PLXNA4: variants seen among roughly 807,000 people sequenced by gnomAD.
PLXNA4 encodes plexin A4, also known as plexin-A4.
A neutral mutation model predicts 191.8 loss-of-function variants in PLXNA4; 44 were observed. The ratio of observed to expected loss-of-function variants is 0.23; its 90% CI spans 0.18 to 0.29. The LOEUF is 0.29. PLXNA4 is among the 10% of genes least tolerant of loss of function. The pLI, the probability that PLXNA4 is intolerant of heterozygous loss-of-function variation, is 1.00. For missense variants in PLXNA4, 1,800 were observed against 2,488.8 expected (o/e 0.72, Z 5.89); for synonymous variants, 1,082 against 1,009.5 (o/e 1.07, Z -1.36).
At position 132,507,719 on chromosome 7, in the gene PLXNA4, G is replaced by A. The variant is rs1798529658; in HGVS notation, c.975C>T (p.Thr325=). The A allele has an allele frequency of 6.2e-7, 1 of 1,614,074 alleles. No individual in the cohort carries two copies. The highest frequency in any genetic ancestry group is 1.1e-5 in the South Asian group (1 of 91,088). ...LSKAGAVLGR[T]LGVHPDDDLL... ...GGTCATCATCTGGATGGACTCCAAG[G>A]GTCCTGCCAAGCACGGCCCCCGCTT... The change falls in exon 2 of 32, where the codon ACC becomes ACT. Residue 325 remains threonine (T), a synonymous_variant. Transcript: ENST00000321063.
At chr7:132,371,449 T>C (rs1013510517) in intron 3 of PLXNA4, among the ~76,000 whole-genome samples, 1 of 152,130 alleles carries the variant, frequency 6.6e-6, no homozygotes, top group African/African-American at 2.4e-5. Context: ...CTTGTGAGAG[T>C]TTCCTGCCAA....
chr7:132,552,021 T>G (rs540586685), intron 1 of PLXNA4, among the ~76,000 whole-genome samples: 2 of 152,232 alleles, frequency 1.3e-5, no homozygotes, highest in Non-Finnish European at 2.9e-5. Flanking sequence ...AAAAGAATCT[T>G]ATTAGCAGGT....
intron 2 of PLXNA4, among the ~76,000 whole-genome samples, chr7:132,613,689 A>G (rs1803097824): frequency 6.6e-6 from 1 of 152,226 alleles, no homozygotes; most frequent in African/African-American, 2.4e-5. Flanking sequence ...CACAGACTTA[A>G]TATTTCCAAG....
intron 25 of PLXNA4, among the ~76,000 whole-genome samples, chr7:132,156,450 A>G (rs1361192387): frequency 1.3e-5 from 2 of 152,162 alleles, no homozygotes; most frequent in African/African-American, 4.8e-5. Context: ...TACTTGGGAC[A>G]ATGACGGGGT....
chr7:132,202,796 C>T lies in PLXNA4; in HGVS notation c.2436G>A (p.Gly812=). The T allele has an allele frequency of 6.2e-7, 1 of 1,608,406 alleles. No individual in the cohort carries two copies. The highest frequency in any genetic ancestry group is 8.5e-7 in the Non-Finnish European group (1 of 1,177,310). Reference sequence around the variant, plus strand: ...AGTCTGGGTCAGCCTTGAGGCACAGCCCGCAGCTCTCACGCATGGCTCCAC... The same window carrying T: ...AGTCTGGGTCAGCCTTGAGGCACAGTCCGCAGCTCTCACGCATGGCTCCAC... ...YKCGAMRESC[G]LCLKADPDFA... Residue 812 remains glycine (G), a synonymous_variant, in exon 12 of 32, where the codon GGG becomes GGA. Coordinates refer to ENST00000321063, the MANE Select transcript of PLXNA4 (RefSeq NM_020911.2).
intron 2 of PLXNA4, among the ~76,000 whole-genome samples, chr7:132,491,370 C>T (rs1205546681): frequency 6.6e-6 from 1 of 152,204 alleles, no homozygotes; most frequent in Non-Finnish European, 1.5e-5. Context: ...CCAGCAGGCT[C>T]CTCCACTCCC....
chr7:132,125,512 A>G lies in PLXNA4; in HGVS notation c.*4967T>C, dbSNP rs1288468490. ...ACTAACCGAGTAATTTGGACTTAAC[A>G]TCCATAGCAGGGCTCCCTTCTTACT... On this transcript the variant is annotated 3_prime_UTR_variant, in exon 32 of 32. Transcript: ENST00000321063. The G allele has an allele frequency of 6.6e-6, 1 of 152,178 alleles. No individual in the cohort carries two copies. Among genetic ancestry groups the G allele is most frequent in the African/African-American group, 2.4e-5 (1 of 41,428 alleles). The allele number at this position is 152,178 out of a possible 1,614,324, so 9.4% of individuals were successfully genotyped here. A position where few individuals can be genotyped will look rare whatever the true frequency, so the allele number is the denominator to read the frequency against.
At chr7:132,287,415 A>G (rs1449648245) in intron 4 of PLXNA4, among the ~76,000 whole-genome samples, 1 of 152,174 alleles carries the variant, frequency 6.6e-6, no homozygotes, top group Non-Finnish European at 1.5e-5. Context: ...ATTAACTTCA[A>G]TCCTAAAAGT....
chr7:132,322,184 C>CATTTTTTTTTTTTTTTTTTTTTT (rs1802194381), intron 3 of PLXNA4, among the ~76,000 whole-genome samples: 1 of 122,520 alleles, frequency 8.2e-6, no homozygotes, highest in Admixed American at 9.4e-5. Flanking sequence ...CCTAAAAGGG[C>CATTTTTTTTTTTTTTTTTTTTTT]TTTTTTTTTT....
chr7:132,484,697 T>G, intron 3 of PLXNA4: 1 of 1,472,162 alleles, frequency 6.8e-7, no homozygotes, highest in Middle Eastern at 2.5e-4. Flanking sequence ...TCCTAGTCTA[T>G]TTGGTGTTCC....
At chr7:132,422,255 G>T (rs1338452248) in intron 3 of PLXNA4, among the ~76,000 whole-genome samples, 1 of 152,186 alleles carries the variant, frequency 6.6e-6, no homozygotes, top group African/African-American at 2.4e-5. Context: ...AGAACAATGG[G>T]TGCCTTACCC....
intron 3 of PLXNA4, among the ~76,000 whole-genome samples, chr7:132,368,637 G>A (rs531506409): frequency 2.4e-4 from 36 of 152,318 alleles, no homozygotes; most frequent in African/African-American, 5.1e-4. Context: ...CAGGTGTGGC[G>A]CGTCCTGCTG....
rs775445685 is a variant in PLXNA4 at position 132,484,979 on chromosome 7, T to G, written c.1371+4313A>C. 1.9e-6 allele frequency: 3 copies of G among 1,614,088 alleles called. No homozygotes were observed. In the Admixed American group the frequency reaches 5.0e-5, roughly 27 times the overall value. ...GTCTCCCTCCACTCCAATCCACTCC[T>G]GGGTGATTCCCCCTTGTGGACCTGT... On this transcript the variant is annotated intron_variant, in intron 3 of 31. Coordinates refer to ENST00000321063, the MANE Select transcript of PLXNA4 (RefSeq NM_020911.2).
intron 2 of PLXNA4, among the ~76,000 whole-genome samples, chr7:132,503,255 A>G (rs1412499527): frequency 2.6e-5 from 4 of 152,060 alleles, no homozygotes; most frequent in Non-Finnish European, 4.4e-5. Flanking sequence ...GCCATTCCAC[A>G]ATGCTTGGTA....
intron 3 of PLXNA4, among the ~76,000 whole-genome samples, chr7:132,424,866 T>A (rs2117163202): frequency 6.6e-6 from 1 of 151,998 alleles, no homozygotes; most frequent in East Asian, 1.9e-4. Flanking sequence ...AATCTTGTGC[T>A]AGAGCCGAGT....
intron 1 of PLXNA4, among the ~76,000 whole-genome samples, chr7:132,561,814 TCTC>T (rs201685388): frequency 0.044 from 3,268 of 73,492 alleles, 62 homozygotes; most frequent in Middle Eastern, 0.11. Context: ...TCCTCCTCTT[TCTC>T]CTCCTTCTTC....
chr7:132,509,552 C>T (rs1326306864), intron 1 of PLXNA4, among the ~76,000 whole-genome samples: 3 of 152,190 alleles, frequency 2.0e-5, no homozygotes, highest in African/African-American at 4.8e-5. Flanking sequence ...ACTTGCATAG[C>T]TATAAGTGGT....
chr7:132,236,799 C>A (rs1056877307), intron 5 of PLXNA4, among the ~76,000 whole-genome samples: 2 of 152,172 alleles, frequency 1.3e-5, no homozygotes, highest in Admixed American at 1.3e-4. Flanking sequence ...CCCTTCAGAG[C>A]AAGCATCCAT....
chr7:132,228,595 C>A (rs537582060), intron 5 of PLXNA4, 126 bp from the exon 6 acceptor site: 15 of 1,245,572 alleles, frequency 1.2e-5, no homozygotes, highest in Admixed American at 4.9e-5. Flanking sequence ...CCAGAGCTAA[C>A]CTTTTTGTGT....
Sources: allele counts gnomAD v4.1 joint callset (sites outside exome capture counted in the v4.1 genomes callset), GRCh38; gene constraint gnomAD v4.1.1; transcripts MANE v1.5; gene names NCBI Gene and HGNC (gene_info 2026-07-23, HGNC 2026-07-21).